The following PITPNM2 variants were observed in gnomAD, a reference collection of about 807,000 sequenced individuals.
PITPNM2 encodes the protein phosphatidylinositol transfer protein membrane associated 2, also known as membrane-associated phosphatidylinositol transfer protein 2.
PITPNM2 carries 35 observed loss-of-function variants against 132.2 expected under a neutral mutation model. That is an observed-to-expected ratio of 0.26 (90% CI 0.20 to 0.35). The LOEUF (loss-of-function observed/expected upper bound fraction) is 0.35. Ranked by LOEUF, PITPNM2 falls within the 10% of genes least tolerant of loss-of-function variation. The pLI, the probability that PITPNM2 is intolerant of heterozygous loss-of-function variation, is 1.00. For missense variants in PITPNM2, 1,332 were observed against 1,912.0 expected (o/e 0.70, Z 5.66); for synonymous variants, 738 against 799.2 (o/e 0.92, Z 1.29).
In PITPNM2 at chr12:123,097,215, G is replaced by C. The variant is rs1279878339; in HGVS notation, c.-96+13170C>G. 6.6e-6 allele frequency among the ~76,000 whole-genome samples: 1 copy of C among 151,908 alleles called. No homozygotes were observed. Among genetic ancestry groups the C allele is most frequent in the East Asian group, 1.9e-4 (1 of 5,156 alleles). ...CCACCACCACGCCCAGCTAATTTTT[G>C]TACTTTTAGTAGAGACGGGGTTTTG... is the stretch of plus-strand genomic sequence containing the variant. On this transcript the variant is annotated intron_variant, in intron 2 of 25. Coordinates refer to ENST00000320201, the MANE Select transcript of PITPNM2 (RefSeq NM_020845.3). The surrounding 1 kb of genome is among the most constrained non-coding windows in gnomAD (Gnocchi z 4.7).
chr12:123,066,242 G>A (rs2041408436), intron 2 of PITPNM2, among the ~76,000 whole-genome samples: 1 of 152,174 alleles, frequency 6.6e-6, no homozygotes, highest in African/African-American at 2.4e-5. Context: ...TGGCCAGGAA[G>A]GAGGCCAAGT....
chr12:123,137,512 T>A (rs75358048), intron 1 of PITPNM2, among the ~76,000 whole-genome samples: 1 of 152,030 alleles, frequency 6.6e-6, no homozygotes, highest in Non-Finnish European at 1.5e-5. Context: ...AAAGCCACCC[T>A]CCCAGCCAGT....
intron 3 of PITPNM2, among the ~76,000 whole-genome samples, chr12:123,019,057 T>A (rs956801178): frequency 1.3e-5 from 2 of 152,230 alleles, no homozygotes; most frequent in African/African-American, 4.8e-5. Context: ...GTGCTGGGAT[T>A]ACAGGAATGA....
rs2037845146 is a variant in PITPNM2, at chr12:122,984,244, C to G, written c.*1783G>C. On this transcript the variant is annotated 3_prime_UTR_variant, in exon 26 of 26. Transcript: ENST00000320201. Reference sequence around the variant, plus strand: ...ATTGCAGGAGGGCCCGAGACTCTTCCAGGTGCTTCTCTGGATGGCTGGTCT... The same window carrying G: ...ATTGCAGGAGGGCCCGAGACTCTTCGAGGTGCTTCTCTGGATGGCTGGTCT... 6.6e-6 allele frequency: 1 copy of G among 152,630 alleles called. No individual in the cohort carries two copies. The highest frequency in any genetic ancestry group is 1.5e-5 in the Non-Finnish European group (1 of 68,142). The allele number at this position is 152,630 out of a possible 1,614,324, so 9.5% of individuals were successfully genotyped here.
intron 2 of PITPNM2, among the ~76,000 whole-genome samples, chr12:123,049,165 C>CAA (rs1483470660): frequency 5.3e-5 from 8 of 151,560 alleles, no homozygotes; most frequent in Admixed American, 6.6e-5. Context: ...CACACACACA[C>CAA]CCCTCCTACA....
intron 2 of PITPNM2, among the ~76,000 whole-genome samples, chr12:123,085,420 G>A (rs1224621277): frequency 6.6e-6 from 1 of 152,138 alleles, no homozygotes. Context: ...GACACAAAAG[G>A]CCACATATTG....
intron 2 of PITPNM2, among the ~76,000 whole-genome samples, chr12:123,105,918 AAG>A (rs1489876590): frequency 3.9e-5 from 6 of 152,146 alleles, no homozygotes; most frequent in African/African-American, 1.4e-4. Context: ...ACCACTGACC[AAG>A]ACAGCAGGGC....
chr12:123,043,170 C>T (rs897854169), intron 2 of PITPNM2, among the ~76,000 whole-genome samples: 2 of 152,068 alleles, frequency 1.3e-5, no homozygotes, highest in African/African-American at 4.8e-5. Flanking sequence ...CAACCCTCCC[C>T]TTACAAATGA....
At position 123,000,490 on chromosome 12, in the gene PITPNM2, A is replaced by T; in HGVS notation, c.1224+288T>A. 1 of 702,128 alleles carries T rather than the reference A, an allele frequency of 1.4e-6. No individual in the cohort carries two copies. Among genetic ancestry groups the T allele is most frequent in the Non-Finnish European group, 2.6e-6 (1 of 384,610 alleles). 43.5% of individuals were successfully genotyped at this position (702,128 alleles called of 1,614,324 possible). ...ATCTTATTTTTGATCTGGAATTTAC[A>T]AGTTTCTCATTTTACTTTCCCATGG... On this transcript the variant is annotated intron_variant, in intron 10 of 25. Transcript: ENST00000320201. The surrounding 1 kb of genome is among the most constrained non-coding windows in gnomAD (Gnocchi z 5.4).
At chr12:123,148,017 T>G (rs754221655) in intron 1 of PITPNM2, among the ~76,000 whole-genome samples, 1 of 152,102 alleles carries the variant, frequency 6.6e-6, no homozygotes, top group Non-Finnish European at 1.5e-5. Flanking sequence ...TAAAAGAAAA[T>G]TTTAATATGG....
Position 122,989,908 on chromosome 12 carries a change from A to G in PITPNM2, c.2610T>C (p.Arg870=). The G allele has an allele frequency of 1.5e-6, 2 of 1,328,168 alleles. No individual in the cohort carries two copies. Among genetic ancestry groups the G allele is most frequent in the Non-Finnish European group, 1.9e-6 (2 of 1,035,170 alleles). The allele number at this position is 1,328,168 out of a possible 1,614,324, so 82.3% of individuals were successfully genotyped here. A position where few individuals can be genotyped will look rare whatever the true frequency, so the allele number is the denominator to read the frequency against. The change falls in exon 18 of 26, where the codon CGT becomes CGC. Residue 870 remains arginine, a synonymous_variant. Coordinates refer to ENST00000320201, the MANE Select transcript of PITPNM2 (RefSeq NM_020845.3). ...GGGCGGGCAGGGCGAGCAGGGACAGACGCCTGACGCTGGGGGTATGGCTGA... is the reference window on the plus strand; with the variant it reads ...GGGCGGGCAGGGCGAGCAGGGACAGGCGCCTGACGCTGGGGGTATGGCTGA... ...DALSHTPSVR[R]LSLLALPAPS...
At chr12:123,073,645 TC>T (rs1208877332) in intron 2 of PITPNM2, among the ~76,000 whole-genome samples, 1 of 152,230 alleles carries the variant, frequency 6.6e-6, no homozygotes, top group Non-Finnish European at 1.5e-5. Flanking sequence ...AGACTGTCTT[TC>T]TGATGATACA....
chr12:123,063,667 G>A (rs187163322), intron 2 of PITPNM2, among the ~76,000 whole-genome samples: 1 of 152,086 alleles, frequency 6.6e-6, no homozygotes, highest in Non-Finnish European at 1.5e-5. Context: ...GCCAAGAGCA[G>A]CCCCCACGAG....
intron 3 of PITPNM2, among the ~76,000 whole-genome samples, chr12:123,026,809 C>T (rs1419370590): frequency 6.6e-6 from 1 of 152,242 alleles, no homozygotes; most frequent in Admixed American, 6.5e-5. Flanking sequence ...CCCAGTGCTC[C>T]TTGGCCCATG....
chr12:123,111,347 G>C lies in PITPNM2; in HGVS notation c.-199-859C>G, dbSNP rs1437164593. On this transcript the variant is annotated intron_variant, in intron 1 of 25. Transcript: ENST00000320201. This position sits in a 1 kb window ranked among gnomAD's most constrained non-coding sequence, Gnocchi z 4.1. Reference sequence around the variant, plus strand: ...CTTATCTGCTGGCTATGGAAGCTGGGAGTGTTTCAGGAACTGATGCCCAAT... The same window carrying C: ...CTTATCTGCTGGCTATGGAAGCTGGCAGTGTTTCAGGAACTGATGCCCAAT... Among the ~76,000 whole-genome samples the C allele has an allele frequency of 6.6e-6, 1 of 152,264 alleles. No individual in the cohort carries two copies. Among genetic ancestry groups the C allele is most frequent in the African/African-American group, 2.4e-5 (1 of 41,472 alleles).
At chr12:123,037,799 G>A (rs2040328836) in intron 2 of PITPNM2, among the ~76,000 whole-genome samples, 1 of 152,198 alleles carries the variant, frequency 6.6e-6, no homozygotes, top group Non-Finnish European at 1.5e-5. Context: ...ACAACCAGGG[G>A]TGAAATCTCG....
At chr12:123,045,607 T>C (rs1445667998) in intron 2 of PITPNM2, among the ~76,000 whole-genome samples, 1 of 152,228 alleles carries the variant, frequency 6.6e-6, no homozygotes, top group Non-Finnish European at 1.5e-5. Context: ...AAACTTCCAC[T>C]TGGAGCCCAC....
intron 2 of PITPNM2, among the ~76,000 whole-genome samples, chr12:123,101,874 A>T (rs1593015826): frequency 6.6e-6 from 1 of 152,240 alleles, no homozygotes; most frequent in African/African-American, 2.4e-5. Context: ...CCCAGGCAAC[A>T]TAGCGAGATC....
At chr12:123,007,740 G>A (rs1365319834) in intron 6 of PITPNM2, among the ~76,000 whole-genome samples, 1 of 152,130 alleles carries the variant, frequency 6.6e-6, no homozygotes, top group Non-Finnish European at 1.5e-5. Context: ...CTGCCAGGAA[G>A]GGCCGCATCC....
Sources: allele counts gnomAD v4.1 joint callset (sites outside exome capture counted in the v4.1 genomes callset), GRCh38; gene constraint gnomAD v4.1.1; non-coding constraint Gnocchi (gnomAD v3.1); transcripts MANE v1.5; gene names NCBI Gene and HGNC (gene_info 2026-07-23, HGNC 2026-07-21).